The following ANXA6 variants were observed in gnomAD, a reference collection of about 807,000 sequenced individuals.
ANXA6 encodes 67 kDa calelectrin.
ANXA6 carries 71 observed loss-of-function variants against 95.4 expected under a neutral mutation model. The ratio of observed to expected loss-of-function variants is 0.74; its 90% CI spans 0.61 to 0.91. The LOEUF is 0.91. Ranked by LOEUF, ANXA6 falls within the 40% of genes least tolerant of loss-of-function variation. ANXA6 has a pLI of 0.00. For synonymous variants in ANXA6, 289 were observed against 315.9 expected (o/e 0.91, Z 0.90); for missense variants, 830 against 876.4 (o/e 0.95, Z 0.67).
intron 1 of ANXA6, among the ~76,000 whole-genome samples, chr5:151,156,960 G>A (rs917886988): frequency 6.6e-6 from 1 of 152,150 alleles, no homozygotes; most frequent in East Asian, 1.9e-4. Context: ...CCGATTCAGG[G>A]TATTTTGCTC....
chr5:151,140,086 G>C (rs1454717441), intron 3 of ANXA6, 67 bp downstream of exon 3: 1 of 1,449,506 alleles, frequency 6.9e-7, no homozygotes, highest in African/African-American at 1.4e-5. Context: ...ACCACCACCA[G>C]AAGGGCTCTG....
At chr5:151,146,917 G>C (rs1765989314) in intron 2 of ANXA6, among the ~76,000 whole-genome samples, 1 of 152,198 alleles carries the variant, frequency 6.6e-6, no homozygotes, top group African/African-American at 2.4e-5. Flanking sequence ...CTCCTAAGCA[G>C]CTGGGACTAC....
Position 151,110,629 on chromosome 5 carries a change from A to G in ANXA6, c.1588T>C (p.Leu530=). Residue 530 remains leucine, a splice_region_variant and synonymous_variant, in exon 21 of 26, where the codon TTG becomes CTG. Coordinates refer to ENST00000354546, the MANE Select transcript of ANXA6 (RefSeq NM_001155.5). ...REDAQVAAEI[L]EIADTPSGDK... ...CAAATGAAGAACAGGACACTCACCA[A>G]GATCTCAGCAGCCACCTGAGAGCAG... is the stretch of plus-strand genomic sequence containing the variant. 1.2e-6 allele frequency: 2 copies of G among 1,613,440 alleles called. No individual in the cohort carries two copies. Among genetic ancestry groups the G allele is most frequent in the South Asian group, 1.1e-5 (1 of 91,068 alleles).
chr5:151,122,565 AATC>A (rs1364236238), intron 16 of ANXA6, among the ~76,000 whole-genome samples: 2 of 152,194 alleles, frequency 1.3e-5, no homozygotes, highest in African/African-American at 4.8e-5. Context: ...AATGTGCAAT[AATC>A]CCTGACACTC....
At position 151,122,964 on chromosome 5, in the gene ANXA6, C is replaced by T. The variant is rs1229979741; in HGVS notation, c.1186G>A (p.Val396Ile). ...GTCTGCCGGATCTGCTGCCGCTGGA[C>T]ATTGCTGCGGTGCGTGATGATATCG... ...IIDIITHRSN[V>I]QRQQIRQTFK... Residue 396 changes from valine (V) to isoleucine (I), a missense_variant, in exon 16 of 26, where the codon GTC becomes ATC. Val to Ile is a conservative substitution (Grantham distance 29). Transcript: ENST00000354546. The T allele has an allele frequency of 6.2e-7, 1 of 1,613,978 alleles. No individual in the cohort carries two copies. The highest frequency in any genetic ancestry group is 1.1e-5 in the South Asian group (1 of 91,080).
intron 9 of ANXA6, 44 bp from the exon 10 acceptor site, chr5:151,132,615 AC>A: frequency 1.3e-6 from 2 of 1,521,382 alleles, no homozygotes; most frequent in Non-Finnish European, 9.0e-7. Flanking sequence ...GTGCCTCTGT[AC>A]CCCCGAGAAG....
intron 2 of ANXA6, 43 bp from the exon 3 acceptor site, chr5:151,140,286 G>A: frequency 6.4e-7 from 1 of 1,561,844 alleles, no homozygotes; most frequent in Non-Finnish European, 8.8e-7. Flanking sequence ...ACCCCGGACT[G>A]AGACCAAGCT....
chr5:151,126,567 CA>C (rs1325065566), intron 13 of ANXA6, 87 bp from the exon 14 acceptor site: 200 of 945,296 alleles, frequency 2.1e-4, no homozygotes, highest in Admixed American at 5.2e-4. Flanking sequence ...CACACACACA[CA>C]CACCCCAACA....
chr5:151,108,556 C>T lies in ANXA6; in HGVS notation c.1685-6G>A, dbSNP rs1764763328. ...CTTGATGAACTCCTGGAAGACTGGC[C>T]ACAAGAGAAGCCCCAGAGGTGGGGG... On this transcript the variant is annotated splice_region_variant and splice_polypyrimidine_tract_variant and intron_variant, in intron 22 of 25. Coordinates refer to ENST00000354546, the MANE Select transcript of ANXA6 (RefSeq NM_001155.5). 2.5e-6 allele frequency: 4 copies of T among 1,613,528 alleles called. No homozygotes were observed. The highest frequency in any genetic ancestry group is 3.4e-6 in the Non-Finnish European group (4 of 1,179,604).
At chr5:151,121,329 T>C (rs536614640) in intron 17 of ANXA6, among the ~76,000 whole-genome samples, 1 of 152,358 alleles carries the variant, frequency 6.6e-6, no homozygotes, top group South Asian at 2.1e-4. Flanking sequence ...CCCTGCCTTG[T>C]GGCTTGAGGA....
intron 7 of ANXA6, 65 bp downstream of exon 7, chr5:151,136,191 C>A: frequency 1.3e-6 from 2 of 1,511,532 alleles, no homozygotes; most frequent in Non-Finnish European, 9.2e-7. Context: ...TTCAGATCTA[C>A]ACCCAGATGA....
intron 2 of ANXA6, among the ~76,000 whole-genome samples, chr5:151,142,355 G>A (rs1765860739): frequency 6.6e-6 from 1 of 152,152 alleles, no homozygotes; most frequent in Non-Finnish European, 1.5e-5. Context: ...GCAGGCACCT[G>A]TAATCTCAGC....
intron 2 of ANXA6, among the ~76,000 whole-genome samples, chr5:151,146,192 G>A (rs150288337): frequency 1.1e-4 from 17 of 152,336 alleles, no homozygotes; most frequent in Middle Eastern, 3.4e-3. Context: ...TGCACCCTAG[G>A]TCCTGGCCTC....
intron 17 of ANXA6, among the ~76,000 whole-genome samples, chr5:151,120,554 T>C (rs897620857): frequency 6.6e-6 from 1 of 151,868 alleles, no homozygotes; most frequent in South Asian, 2.1e-4. Flanking sequence ...CCTTCTCTAC[T>C]AGAAAGACAA....
intron 20 of ANXA6, 131 bp downstream of exon 20, chr5:151,116,996 A>G: frequency 1.4e-6 from 1 of 706,406 alleles, no homozygotes; most frequent in East Asian, 3.1e-5. Flanking sequence ...CTAAGTATCA[A>G]CCAATCAAAC....
At chr5:151,133,722 CT>C (rs1582005106) in intron 8 of ANXA6, among the ~76,000 whole-genome samples, 1 of 152,150 alleles carries the variant, frequency 6.6e-6, no homozygotes, top group African/African-American at 2.4e-5. Context: ...ATATGCCTTT[CT>C]TCCTTTCTTT....
chr5:151,122,356 T>C, intron 16 of ANXA6, 96 bp from the exon 17 acceptor site: 4 of 678,480 alleles, frequency 5.9e-6, no homozygotes, highest in Non-Finnish European at 1.0e-5. Flanking sequence ...GGGTTCCACA[T>C]GAGGGATCAT....
chr5:151,108,025 A>G (rs1260770718), intron 23 of ANXA6, among the ~76,000 whole-genome samples: 2 of 151,432 alleles, frequency 1.3e-5, no homozygotes, highest in African/African-American at 4.9e-5. Context: ...TCTGTGTGTG[A>G]TGTGTGTATG....
intron 5 of ANXA6, among the ~76,000 whole-genome samples, chr5:151,138,313 G>A (rs1276573855): frequency 2.6e-5 from 4 of 152,052 alleles, no homozygotes; most frequent in Non-Finnish European, 5.9e-5. Flanking sequence ...TGGGCTTTGG[G>A]GCTTAACTTG....
Sources: gnomAD v4.1 joint callset for allele counts (sites outside exome capture counted in the v4.1 genomes callset) on GRCh38, gnomAD v4.1.1 for gene constraint, MANE v1.5 for transcripts, NCBI Gene and HGNC (gene_info 2026-07-23, HGNC 2026-07-21) for gene names.